NAALADL2: variants seen among roughly 807,000 people sequenced by gnomAD.
The protein encoded by NAALADL2 is N-acetylated alpha-linked acidic dipeptidase like 2, also known as inactive N-acetylated-alpha-linked acidic dipeptidase-like protein 2.
In NAALADL2, 76 loss-of-function variants were observed where a neutral mutation model predicts 87.2. The observed-to-expected ratio is 0.87, with a 90% CI of 0.72 to 1.05. The LOEUF is 1.05. NAALADL2 is among the 50% of genes least tolerant of loss of function. The probability of loss-of-function intolerance (pLI) is 0.00; values close to 1 mark genes in which losing one functional copy is unlikely to be tolerated. For synonymous variants in NAALADL2, 354 were observed against 331.0 expected, an observed-to-expected ratio of 1.07 and a Z score of -0.75; for missense variants, 1,089 against 945.8, an observed-to-expected ratio of 1.15 and a Z score of -1.99.
rs370306358 is a variant in NAALADL2 at position 175,404,665 on chromosome 3, CAT to C, written c.1091-42562_1091-42561del. ...GGAAATACTAGCAGTAGCTATGACA[CAT>C]AGAAAAATGTAAAGTCCTTTTTCCC... On this transcript the variant is annotated intron_variant, in intron 5 of 13. Coordinates refer to ENST00000454872, the MANE Select transcript of NAALADL2 (RefSeq NM_207015.3). Among the ~76,000 whole-genome samples, 614 of 152,268 alleles carry C rather than the reference CAT, an allele frequency of 4.0e-3. 7 individuals carry two copies. Among genetic ancestry groups the C allele is most frequent in the African/African-American group, 0.014 (592 of 41,570 alleles).
In NAALADL2 at chr3:175,762,192, ATTTT is replaced by A. The variant is rs55668165; in HGVS notation, c.2189+6786_2189+6789del. ...TGAAAAGGATAAGGTCTGTGTTTCG[ATTTT>A]TTTTTTTTTTTGCATGTAGATGTCC... On this transcript the variant is annotated intron_variant, in intron 13 of 13. Transcript: ENST00000454872. 6.7e-4 allele frequency among the ~76,000 whole-genome samples: 77 copies of A among 114,134 alleles called. 1 individual carries two copies. Among genetic ancestry groups the A allele is most frequent in the African/African-American group, 2.6e-3 (77 of 29,648 alleles). The allele number at this position is 114,134 out of a possible 152,430, so 74.9% of individuals were successfully genotyped here. A position where few individuals can be genotyped will look rare whatever the true frequency, so the allele number is the denominator to read the frequency against.
chr3:175,637,491 C>T (rs749498755), intron 11 of NAALADL2, among the ~76,000 whole-genome samples: 4 of 152,132 alleles, frequency 2.6e-5, no homozygotes, highest in East Asian at 3.9e-4. Context: ...ATCATGGAGG[C>T]GGATCCCTCA....
At chr3:175,284,403 T>C (rs1026271463) in intron 4 of NAALADL2, among the ~76,000 whole-genome samples, 3 of 152,106 alleles carry the variant, frequency 2.0e-5, no homozygotes, top group Non-Finnish European at 4.4e-5. Flanking sequence ...TATTATATTC[T>C]GATTATATTA....
At chr3:175,744,947 A>G (rs555091144) in intron 12 of NAALADL2, among the ~76,000 whole-genome samples, 115 of 143,230 alleles carry the variant, frequency 8.0e-4, no homozygotes, top group African/African-American at 2.8e-3. Flanking sequence ...TAATTTCTCA[A>G]TTGCAGTGAA....
chr3:175,676,773 A>C (rs1446396342), intron 11 of NAALADL2: 1 of 152,194 alleles, frequency 6.6e-6, no homozygotes, highest in Non-Finnish European at 1.5e-5. Context: ...AGGTACATCA[A>C]AACCTATATC....
chr3:174,910,713 C>A (rs970429299), intron 1 of NAALADL2, among the ~76,000 whole-genome samples: 1 of 152,004 alleles, frequency 6.6e-6, no homozygotes, highest in East Asian at 1.9e-4. Context: ...AACACTTCAA[C>A]AATATCAAGT....
Position 174,788,465 on chromosome 3 carries a change from G to C in NAALADL2, c.-9+50719G>C, listed in dbSNP as rs1717067607. Among the ~76,000 whole-genome samples, 2 of 152,140 alleles carry C rather than the reference G, an allele frequency of 1.3e-5. 1 individual carries two copies. The highest frequency in any genetic ancestry group is 4.1e-4 in the South Asian group (2 of 4,824). ...CAAAATCCAGGGGTCAACCAGTTTG[G>C]TTTCTTCTTAAATCTCTTTCCTTGG... On this transcript the variant is annotated intron_variant, in intron 3 of 3. Transcript: ENST00000434257.
chr3:174,654,066 G>GTC lies in NAALADL2; in HGVS notation c.-114-83574_-114-83573insCT, dbSNP rs201595093. 3.4e-3 allele frequency among the ~76,000 whole-genome samples: 324 copies of GTC among 95,456 alleles called. 1 individual carries two copies. Among genetic ancestry groups the GTC allele is most frequent in the Non-Finnish European group, 5.5e-3 (254 of 46,190 alleles). 62.6% of individuals were successfully genotyped at this position (95,456 alleles called of 152,430 possible). On this transcript the variant is annotated intron_variant, in intron 2 of 3. Transcript: ENST00000434257. ...ATTTAGTAATAAGATGGCTTTGTGT[G>GTC]TGTGTGTGTGTGTGTGTGTGTGTGT...
chr3:175,379,048 G>A (rs1767483012), intron 5 of NAALADL2, among the ~76,000 whole-genome samples: 1 of 152,070 alleles, frequency 6.6e-6, no homozygotes, highest in Admixed American at 6.6e-5. Flanking sequence ...TAGGCCCATG[G>A]GTGCTGAGTA....
intron 11 of NAALADL2, among the ~76,000 whole-genome samples, chr3:175,640,921 A>G (rs1339348090): frequency 1.3e-5 from 2 of 152,220 alleles, no homozygotes; most frequent in Admixed American, 1.3e-4. Flanking sequence ...GAGAGAGCCA[A>G]TACATAGATG....
chr3:175,740,328 C>T (rs958115464), intron 12 of NAALADL2, among the ~76,000 whole-genome samples: 4 of 152,016 alleles, frequency 2.6e-5, no homozygotes, highest in African/African-American at 4.8e-5. Flanking sequence ...AAGCAAAAGC[C>T]GGATTAGAAG....
At chr3:174,827,251 T>A (rs950200392) in intron 3 of NAALADL2, among the ~76,000 whole-genome samples, 1 of 152,214 alleles carries the variant, frequency 6.6e-6, no homozygotes, top group African/African-American at 2.4e-5. Context: ...TGTAACAAAT[T>A]ACCACAAACA....
chr3:174,633,304 A>G (rs1004984126), intron 2 of NAALADL2, among the ~76,000 whole-genome samples: 4 of 152,238 alleles, frequency 2.6e-5, no homozygotes, highest in African/African-American at 9.6e-5. Flanking sequence ...CTATTCTTTA[A>G]AAATGGATAC....
chr3:175,678,633 T>C (rs112096106), intron 11 of NAALADL2, among the ~76,000 whole-genome samples: 4,039 of 152,048 alleles, frequency 0.027, 192 homozygotes, highest in African/African-American at 0.093. Context: ...GACAGAAAAC[T>C]AAACACCGCA....
At chr3:175,347,995 G>C (rs1409624083) in intron 5 of NAALADL2, among the ~76,000 whole-genome samples, 1 of 151,910 alleles carries the variant, frequency 6.6e-6, no homozygotes, top group Non-Finnish European at 1.5e-5. Context: ...GTTTGGTTTA[G>C]GTTTCCTGTG....
At chr3:174,525,491 A>T (rs191515792) in intron 1 of NAALADL2, among the ~76,000 whole-genome samples, 3 of 152,260 alleles carry the variant, frequency 2.0e-5, no homozygotes, top group African/African-American at 7.2e-5. Flanking sequence ...GTGAGAACTC[A>T]CTTATTACCA....
intron 9 of NAALADL2, among the ~76,000 whole-genome samples, chr3:175,507,158 C>T (rs1218268539): frequency 6.6e-6 from 1 of 151,882 alleles, no homozygotes. Context: ...TTTCAACGTT[C>T]CCTCTGTCTG....
At chr3:174,703,006 C>A (rs1008053584) in intron 2 of NAALADL2, among the ~76,000 whole-genome samples, 1 of 152,082 alleles carries the variant, frequency 6.6e-6, no homozygotes, top group Non-Finnish European at 1.5e-5. Flanking sequence ...AATATTGTAG[C>A]AGAAAGTAAG....
chr3:174,854,455 A>C (rs901711940), upstream of NAALADL2, among the ~76,000 whole-genome samples: 1 of 152,134 alleles, frequency 6.6e-6, no homozygotes, highest in Non-Finnish European at 1.5e-5. Flanking sequence ...AAGGAATAAG[A>C]TCTAGTGTTT....
Sources: gnomAD v4.1 joint callset for allele counts (sites outside exome capture counted in the v4.1 genomes callset) on GRCh38, gnomAD v4.1.1 for gene constraint, MANE v1.5 for transcripts, NCBI Gene and HGNC (gene_info 2026-07-23, HGNC 2026-07-21) for gene names.